TTN: variants seen among roughly 807,000 people sequenced by gnomAD.
TTN encodes the protein connectin.
A neutral mutation model predicts 3,223.0 loss-of-function variants in TTN; 1,525 were observed. The observed-to-expected ratio is 0.47, with a 90% CI of 0.45 to 0.49. The LOEUF is 0.49. Ranked by LOEUF, TTN falls within the 20% of genes least tolerant of loss-of-function variation. The pLI is 0.00. For synonymous variants in TTN, 14,094 were observed against 15,161.0 expected (o/e 0.93, Z 5.17); for missense variants, 40,786 against 43,424.0 (o/e 0.94, Z 5.40).
At position 178,777,723 on chromosome 2, in the gene TTN, C is replaced by A; in HGVS notation, c.4461G>T (p.Glu1487Asp). The A allele has an allele frequency of 6.2e-7, 1 of 1,614,078 alleles. No individual in the cohort carries two copies. The highest frequency in any genetic ancestry group is 1.1e-5 in the South Asian group (1 of 91,082). ...GCTTACCATCATGAAACCAGAACGT[C>A]TCTGGCATAGGTCTACCAACAACCT... is the stretch of plus-strand genomic sequence containing the variant. ...DLKVVGRPMP[E>D]TFWFHDGQQI... is the part of the protein sequence containing the mutation. Residue 1487 changes from glutamate (E) to aspartate (D), a missense_variant, in exon 25 of 363, where the codon GAG (glutamate) becomes GAT (aspartate). Coordinates refer to ENST00000589042, the MANE Select transcript of TTN (RefSeq NM_001267550.2).
chr2:178,730,842 T>A, intron 60 of TTN, 50 bp from the exon 61 acceptor site: 1 of 1,528,934 alleles, frequency 6.5e-7, no homozygotes, highest in Non-Finnish European at 8.7e-7. Flanking sequence ...ATCTACTAAT[T>A]TGTTTTTGTT....
At chr2:178,752,147 C>T (rs2085728055) in intron 47 of TTN, 2 of 961,884 alleles carry the variant, frequency 2.1e-6, no homozygotes, top group Admixed American at 2.5e-5. Flanking sequence ...CTACAGATCT[C>T]ACAAATCCAT....
intron 34 of TTN, 59 bp downstream of exon 34, chr2:178,771,152 A>G: frequency 6.2e-7 from 1 of 1,611,028 alleles, no homozygotes; most frequent in Non-Finnish European, 8.5e-7. Flanking sequence ...TTGTCTTTTA[A>G]AACGATAACG....
At chr2:178,798,212 T>G (rs969844350) in intron 6 of TTN, among the ~76,000 whole-genome samples, 1 of 152,184 alleles carries the variant, frequency 6.6e-6, no homozygotes, top group Middle Eastern at 3.2e-3. Context: ...TATTCTTTTA[T>G]AAAAAATTTT....
At position 178,598,827 on chromosome 2, in the gene TTN, G is replaced by T; in HGVS notation, c.56883C>A (p.Phe18961Leu). ...TGLIEGSDYQ[F>L]RVYAINAAGV... ...CAGCAGCATTGATTGCATATACCCGGAATTGATAGTCGGAACCTTCAATAA... is the reference window on the plus strand; with the variant it reads ...CAGCAGCATTGATTGCATATACCCGTAATTGATAGTCGGAACCTTCAATAA... The change falls in exon 291 of 363, where the codon TTC becomes TTA. Residue 18961 changes from phenylalanine (F) to leucine (L), a missense_variant. Transcript: ENST00000589042. The T allele has an allele frequency of 1.2e-6, 2 of 1,613,282 alleles. No individual in the cohort carries two copies. Among genetic ancestry groups the T allele is most frequent in the Non-Finnish European group, 1.7e-6 (2 of 1,179,486 alleles).
chr2:178,681,259 A>G, intron 137 of TTN, 88 bp from the exon 138 acceptor site: 3 of 1,451,340 alleles, frequency 2.1e-6, no homozygotes, highest in Middle Eastern at 3.5e-4. Flanking sequence ...AAATGTAAGA[A>G]TCAGGACAAG....
intron 146 of TTN, 54 bp from the exon 147 acceptor site, chr2:178,677,341 T>TATATATATATATATATATATATAG (rs2068317018): frequency 2.4e-6 from 1 of 422,442 alleles, no homozygotes; most frequent in East Asian, 7.7e-5. Flanking sequence ...TGGTCATATA[T>TATATATATATATATATATATATAG]ATATATATAT....
rs1162158537 is a variant in TTN, at chr2:178,590,677, G to A, written c.61048C>T (p.Leu20350Phe). ...GGGGATGGTTTGCTTAGTCCTGCAA[G>A]ATTTTCAGCAAAAACTCTAAACTCA... ...TYEFRVFAEN[L>F]AGLSKPSPSS... The change falls in exon 304 of 363, where the codon CTT (leucine) becomes TTT (phenylalanine). Residue 20350 changes from leucine (L) to phenylalanine (F), a missense_variant. Physicochemically the swap from Leu to Phe is conservative, Grantham distance 22. Coordinates refer to ENST00000589042, the MANE Select transcript of TTN (RefSeq NM_001267550.2). 63 of 1,613,046 alleles carry A rather than the reference G, an allele frequency of 3.9e-5. No homozygotes were observed. In the East Asian group the frequency reaches 1.3e-3, roughly 34 times the overall value.
rs1221769715 is a variant in TTN at position 178,649,247 on chromosome 2, C to T, written c.40057+1G>A. 1.3e-6 allele frequency: 2 copies of T among 1,499,820 alleles called. No homozygotes were observed. Among genetic ancestry groups the T allele is most frequent in the Non-Finnish European group, 1.8e-6 (2 of 1,130,042 alleles). The allele number at this position is 1,499,820 out of a possible 1,614,324, so 92.9% of individuals were successfully genotyped here. On this transcript the variant is annotated splice_donor_variant, in intron 213 of 362. Coordinates refer to ENST00000589042, the MANE Select transcript of TTN (RefSeq NM_001267550.2). LOFTEE classifies it high-confidence loss of function. ...ATCTATTTTTTCTTCATGGTAGGTA[C>T]CTTTTTCTGGAAGAACTTCTGGTTT...
chr2:178,701,903 A>T, intron 109 of TTN, 137 bp downstream of exon 109: 1 of 898,978 alleles, frequency 1.1e-6, no homozygotes, highest in African/African-American at 1.7e-5. Context: ...AAGTAATTCT[A>T]CTGCATAACA....
chr2:178,612,069 C>T lies in TTN; in HGVS notation c.50342G>A (p.Arg16781Lys), dbSNP rs764363428. The T allele has an allele frequency of 6.2e-7, 1 of 1,610,714 alleles. No homozygotes were observed. Among genetic ancestry groups the T allele is most frequent in the Non-Finnish European group, 8.5e-7 (1 of 1,178,498 alleles). ...KWEPPKNDGGRPIQRYVIEKK... is the reference protein window; with the variant it reads ...KWEPPKNDGGKPIQRYVIEKK... ...ATTCAAATTCTACCTCTGTATTGGT[C>T]TTCCACCATCATTTTTAGGTGGCTC... The change falls in exon 267 of 363, where the codon AGA becomes AAA. Residue 16781 changes from arginine (R) to lysine (K), a missense_variant. Coordinates refer to ENST00000589042, the MANE Select transcript of TTN (RefSeq NM_001267550.2).
At chr2:178,651,855 G>A (rs1432134553) in intron 205 of TTN, 29 bp downstream of exon 205, 5 of 1,600,020 alleles carry the variant, frequency 3.1e-6, no homozygotes, top group African/African-American at 2.7e-5. Flanking sequence ...GAGTGGCCGA[G>A]GTGTCCTAGC....
In TTN at chr2:178,674,324, T is replaced by G; in HGVS notation, c.34698A>C (p.Ala11566=). Residue 11566 remains alanine, a synonymous_variant, in exon 151 of 363, where the codon GCA becomes GCC. Transcript: ENST00000589042. ...PPSIEEVEEV[A]PPRVPEVIKK... The stretch of plus-strand genomic sequence containing the variant: ...TAAAAGCGGTTATACCTCTAGGTGG[T>G]GCCACCTCTTCAACTTCCTCTATGC... The G allele has an allele frequency of 6.3e-7, 1 of 1,585,218 alleles. No individual in the cohort carries two copies. The highest frequency in any genetic ancestry group is 8.6e-7 in the Non-Finnish European group (1 of 1,161,766).
intron 117 of TTN, 68 bp downstream of exon 117, chr2:178,694,531 A>G: frequency 4.3e-6 from 5 of 1,150,180 alleles, no homozygotes; most frequent in Non-Finnish European, 6.2e-6. Flanking sequence ...TTAGCAATAT[A>G]TGTACACATG....
intron 89 of TTN, 98 bp downstream of exon 89, chr2:178,715,395 C>T (rs2077335409): frequency 6.6e-7 from 1 of 1,519,102 alleles, no homozygotes; most frequent in Admixed American, 2.2e-5. Flanking sequence ...GTGTCCTTTC[C>T]CTATTTTAAA....
At chr2:178,688,495 C>T (rs933343271) in intron 126 of TTN, among the ~76,000 whole-genome samples, 182 bp downstream of exon 126, 1 of 152,136 alleles carries the variant, frequency 6.6e-6, no homozygotes, top group East Asian at 1.9e-4. Context: ...TGATTCAAGG[C>T]CAACATAGAC....
At position 178,602,440 on chromosome 2, in the gene TTN, C is replaced by T. The variant is rs750609591; in HGVS notation, c.54962G>A (p.Arg18321Lys). The T allele has an allele frequency of 8.1e-6, 13 of 1,612,442 alleles. No individual in the cohort carries two copies. The highest frequency in any genetic ancestry group is 1.1e-5 in the Non-Finnish European group (13 of 1,179,174). The change falls in exon 283 of 363, where the codon AGA becomes AAA. Residue 18321 changes from arginine to lysine, a missense_variant. Physicochemically the swap from Arg to Lys is conservative, Grantham distance 26. Coordinates refer to ENST00000589042, the MANE Select transcript of TTN (RefSeq NM_001267550.2). ...MQEEGTTDWK[R>K]VNEPDKLITT... Reference sequence around the variant, plus strand: ...TATAAGTTTGTCTGGTTCATTTACTCTTTTCCAGTCAGTAGTACCTTCTTC... The same window carrying T: ...TATAAGTTTGTCTGGTTCATTTACTTTTTTCCAGTCAGTAGTACCTTCTTC...
In TTN at chr2:178,634,872, ACCATTTGAAAGAG is replaced by A. The variant is rs752948826; in HGVS notation, c.42025-36_42025-24del. On this transcript the variant is annotated intron_variant, in intron 228 of 362. Transcript: ENST00000589042. This position sits in a 1 kb window ranked among gnomAD's most constrained non-coding sequence, Gnocchi z 4.6. The stretch of plus-strand genomic sequence containing the variant: ...AGTCTGAAAAACAATAGTTTTAGTA[ACCATTTGAAAGAG>A]ATAAATTCCCTATAGGAGAAGTGTT... 1 of 1,599,384 alleles carries A rather than the reference ACCATTTGAAAGAG, an allele frequency of 6.3e-7. No individual in the cohort carries two copies. The highest frequency in any genetic ancestry group is 8.5e-7 in the Non-Finnish European group (1 of 1,175,782).
intron 212 of TTN, 36 bp downstream of exon 212, chr2:178,649,518 C>T: frequency 1.3e-6 from 2 of 1,535,378 alleles, no homozygotes; most frequent in South Asian, 1.2e-5. Flanking sequence ...TATCAGAATA[C>T]TTTCTTTTTT....
Sources: allele counts gnomAD v4.1 joint callset (sites outside exome capture counted in the v4.1 genomes callset), GRCh38; gene constraint gnomAD v4.1.1; non-coding constraint Gnocchi (gnomAD v3.1); transcripts MANE v1.5; gene names NCBI Gene and HGNC (gene_info 2026-07-23, HGNC 2026-07-21).